Variants in FAM228B observed in about 807,000 individuals in gnomAD.
FAM228B encodes the protein family with sequence similarity 228 member B.
A neutral mutation model predicts 42.6 loss-of-function variants in FAM228B; 38 were observed. That is an observed-to-expected ratio of 0.89 (90% CI 0.69 to 1.17). The LOEUF (loss-of-function observed/expected upper bound fraction) is 1.17, where lower values mean the gene tolerates loss of function less well. Among genes scored for constraint, FAM228B ranks in the 50% most tolerant of loss-of-function variants. The probability of loss-of-function intolerance (pLI) is 0.00; values close to 1 mark genes in which losing one functional copy is unlikely to be tolerated. For synonymous variants in FAM228B, 109 were observed against 122.3 expected (o/e 0.89, Z 0.72); for missense variants, 344 against 367.3 (o/e 0.94, Z 0.52).
rs547979630 is a variant in FAM228B, at chr2:24,143,330, G to A, written c.442-3418G>A. ...CGAGTAGCTGGGACTACAGGCGCCC[G>A]CCACCACGCCCGGCTAATTTTGTTG... On this transcript the variant is annotated intron_variant, in intron 5 of 10. Transcript: ENST00000615575. 7.2e-4 allele frequency among the ~76,000 whole-genome samples: 106 copies of A among 147,546 alleles called. 1 individual carries two copies. The highest frequency in any genetic ancestry group is 1.9e-3 in the African/African-American group (73 of 37,844).
At chr2:24,082,909 C>T (rs760708903) in intron 2 of FAM228B, 49 of 1,610,404 alleles carry the variant, frequency 3.0e-5, no homozygotes, top group Middle Eastern at 4.0e-4. Flanking sequence ...AGCTGGAAGG[C>T]GGTGAGCCAG....
At chr2:24,165,378 C>T (rs745713585) in intron 9 of FAM228B, 1 of 471,050 alleles carries the variant, frequency 2.1e-6, no homozygotes, top group African/African-American at 2.0e-5. Flanking sequence ...TTCAGGTCCT[C>T]TCTGTGCAGA....
chr2:24,130,512 T>C (rs1035422798), intron 2 of FAM228B, among the ~76,000 whole-genome samples: 1 of 152,250 alleles, frequency 6.6e-6, no homozygotes, highest in African/African-American at 2.4e-5. Flanking sequence ...CTGACTGGCA[T>C]GAGATGGTAT....
At chr2:24,124,563 A>C in intron 2 of FAM228B, 103 bp downstream of exon 2, 1 of 670,520 alleles carries the variant, frequency 1.5e-6, no homozygotes, top group Non-Finnish European at 2.5e-6. Flanking sequence ...GTTTGTTTTT[A>C]TTTCATTCTG....
In FAM228B at chr2:24,084,127, A is replaced by G. The variant is rs1010830841; in HGVS notation, c.-210+3172A>G. The G allele has an allele frequency of 6.5e-7, 1 of 1,549,886 alleles. No homozygotes were observed. Among genetic ancestry groups the G allele is most frequent in the African/African-American group, 1.4e-5 (1 of 73,846 alleles). ...CTTCACGTCTGGTCAATGTCCACTG[A>G]GTGCTGTTGAGAGGGAGGCTCTGGA... On this transcript the variant is annotated intron_variant, in intron 2 of 10. Transcript: ENST00000613899. This position sits in a 1 kb window ranked among gnomAD's most constrained non-coding sequence, Gnocchi z 8.4.
At chr2:24,092,815 A>C (rs72783627) in intron 2 of FAM228B, among the ~76,000 whole-genome samples, 24,418 of 152,114 alleles carry the variant, frequency 0.16, 2,125 homozygotes, top group South Asian at 0.21. Context: ...AATGAACTAG[A>C]GCTATAGCAG....
At chr2:24,166,054 A>AAAAAAAAT (rs56146407) in intron 9 of FAM228B, 1 of 81,030 alleles carries the variant, frequency 1.2e-5, no homozygotes, top group African/African-American at 4.0e-5. Context: ...AAAAAAAAAA[A>AAAAAAAAT]ATATATATAT....
At chr2:24,144,610 C>G (rs1048355025) in intron 5 of FAM228B, among the ~76,000 whole-genome samples, 2 of 152,152 alleles carry the variant, frequency 1.3e-5, no homozygotes, top group Non-Finnish European at 2.9e-5. Context: ...CTGCTCGGCC[C>G]TGAGACTAAC....
In FAM228B at chr2:24,113,826, G is replaced by A. The variant is rs558012094; in HGVS notation, c.-121+18597G>A. Among the ~76,000 whole-genome samples, 6 of 152,210 alleles carry A rather than the reference G, an allele frequency of 3.9e-5. No homozygotes were observed. In the East Asian group the frequency reaches 7.7e-4, roughly 20 times the overall value. On this transcript the variant is annotated intron_variant, in intron 3 of 10. Transcript: ENST00000613899. ...CTGGAGGTGGAGGTTGCAGTGAGCC[G>A]AGATTGCACCATTGCACGCCAGCCT...
intron 2 of FAM228B, among the ~76,000 whole-genome samples, chr2:24,131,347 T>A (rs918161748): frequency 6.6e-6 from 1 of 152,250 alleles, no homozygotes; most frequent in Non-Finnish European, 1.5e-5. Flanking sequence ...TGAAGTAGTT[T>A]TCTCTAATTC....
At chr2:24,121,025 C>T (rs1666098188), upstream of FAM228B, 1 of 1,156,660 alleles carries the variant, frequency 8.6e-7, no homozygotes, top group Non-Finnish European at 1.2e-6. Context: ...CTTCCTGGCA[C>T]TAGACTGCTA....
chr2:24,079,517 C>G, intron 1 of FAM228B: 1 of 1,614,134 alleles, frequency 6.2e-7, no homozygotes, highest in Non-Finnish European at 8.5e-7. Flanking sequence ...AAACAGGGGC[C>G]CATTGATGTC....
At position 24,117,809 on chromosome 2, in the gene FAM228B, T is replaced by A. The variant is rs1665971463; in HGVS notation, c.-120-17310T>A. On this transcript the variant is annotated intron_variant, in intron 3 of 10. Transcript: ENST00000613899. Reference sequence around the variant, plus strand: ...TAATTTTTTAGATAGAGAAAAATATTTTTTTAAAAAGGAGTAAAGGAAACA... The same window carrying A: ...TAATTTTTTAGATAGAGAAAAATATATTTTTAAAAAGGAGTAAAGGAAACA... Among the ~76,000 whole-genome samples, 4 of 152,180 alleles carry A rather than the reference T, an allele frequency of 2.6e-5. No individual in the cohort carries two copies. The South Asian group carries it at 6.2e-4, about 24-fold the overall frequency.
At chr2:24,164,471 G>A in intron 9 of FAM228B, 136 bp downstream of exon 9, 1 of 959,538 alleles carries the variant, frequency 1.0e-6, no homozygotes, top group Non-Finnish European at 1.5e-6. Flanking sequence ...GTTAGAAGCA[G>A]CTGAGGGGCA....
intron 2 of FAM228B, among the ~76,000 whole-genome samples, chr2:24,132,945 G>A (rs967420706): frequency 5.3e-5 from 8 of 152,146 alleles, no homozygotes; most frequent in African/African-American, 1.9e-4. Flanking sequence ...TCAAGAGTTT[G>A]CCAGATATTT....
rs1665323193 is a variant in FAM228B at position 24,088,986 on chromosome 2, T to C, written c.-209-6155T>C. Among the ~76,000 whole-genome samples the C allele has an allele frequency of 3.9e-5, 6 of 152,244 alleles. No individual in the cohort carries two copies. The South Asian group carries it at 1.2e-3, about 31-fold the overall frequency. On this transcript the variant is annotated intron_variant, in intron 2 of 10. Coordinates refer to the FAM228B transcript ENST00000613899. ...AGAAACGAAGTGTTCTGTGTGAGTG[T>C]AGAAACAGTGTGGTTTCCCAGATAT...
intron 2 of FAM228B, among the ~76,000 whole-genome samples, chr2:24,089,894 G>A (rs1223147594): frequency 2.7e-5 from 4 of 150,744 alleles, no homozygotes. Flanking sequence ...AGAATCACTC[G>A]AGGCAGAGGT....
chr2:24,077,897 T>A lies in FAM228B; in HGVS notation c.-290+928T>A. The A allele has an allele frequency of 1.1e-6, 1 of 875,100 alleles. No individual in the cohort carries two copies. The highest frequency in any genetic ancestry group is 1.7e-6 in the Non-Finnish European group (1 of 575,548). The allele number at this position is 875,100 out of a possible 1,614,324, so 54.2% of individuals were successfully genotyped here. A position where few individuals can be genotyped will look rare whatever the true frequency, so the allele number is the denominator to read the frequency against. Reference sequence around the variant, plus strand: ...CAGGGACACTTAACCCCTCACTTCCTAGCATGTGTGTGAAATACCCTTGAA... The same window carrying A: ...CAGGGACACTTAACCCCTCACTTCCAAGCATGTGTGTGAAATACCCTTGAA... On this transcript the variant is annotated intron_variant, in intron 1 of 10. Coordinates refer to the FAM228B transcript ENST00000613899. This position sits in a 1 kb window ranked among gnomAD's most constrained non-coding sequence, Gnocchi z 5.5.
chr2:24,134,595 G>T, intron 2 of FAM228B, among the ~76,000 whole-genome samples: 1 of 152,224 alleles, frequency 6.6e-6, no homozygotes, highest in East Asian at 1.9e-4. Context: ...GACTCAAAGT[G>T]TCTGTGAGCT....
Sources: allele counts gnomAD v4.1 joint callset (sites outside exome capture counted in the v4.1 genomes callset), GRCh38; gene constraint gnomAD v4.1.1; non-coding constraint Gnocchi (gnomAD v3.1); transcripts MANE v1.5; gene names NCBI Gene and HGNC (gene_info 2026-07-23, HGNC 2026-07-21).